MAGI1: variants seen among roughly 807,000 people sequenced by gnomAD.
MAGI1 encodes the protein membrane associated guanylate kinase, WW and PDZ domain containing 1.
MAGI1 carries 58 observed loss-of-function variants against 139.9 expected under a neutral mutation model. The observed-to-expected ratio is 0.41, with a 90% CI of 0.34 to 0.52. The LOEUF is 0.52. MAGI1 is among the 20% of genes least tolerant of loss of function. The pLI, the probability that MAGI1 is intolerant of heterozygous loss-of-function variation, is 0.12. For synonymous variants in MAGI1, 812 were observed against 737.9 expected (o/e 1.10, Z -1.63); for missense variants, 1,874 against 1,901.6 (o/e 0.99, Z 0.27).
At chr3:65,686,355 G>C (rs1234534940) in intron 1 of MAGI1, among the ~76,000 whole-genome samples, 1 of 151,998 alleles carries the variant, frequency 6.6e-6, no homozygotes, top group African/African-American at 2.4e-5. Context: ...GCAGTGGCAC[G>C]ATCTCGGCTC....
intron 1 of MAGI1, among the ~76,000 whole-genome samples, chr3:66,026,986 C>A (rs1189826648): frequency 2.6e-5 from 4 of 151,216 alleles, no homozygotes; most frequent in African/African-American, 9.7e-5. Flanking sequence ...AAAGAGAGGA[C>A]CGGCTGGGCG....
intron 1 of MAGI1, among the ~76,000 whole-genome samples, chr3:65,998,253 T>C (rs1262662109): frequency 6.6e-6 from 1 of 152,172 alleles, no homozygotes; most frequent in African/African-American, 2.4e-5. Flanking sequence ...CAGTGTGTCA[T>C]GTCAGTCCCA....
chr3:65,713,104 CA>C (rs558835938), intron 1 of MAGI1, among the ~76,000 whole-genome samples: 34 of 152,306 alleles, frequency 2.2e-4, no homozygotes, highest in Admixed American at 1.8e-3. Flanking sequence ...AATAGCTTTC[CA>C]GGCCCCATTC....
At chr3:65,923,967 A>T (rs1005143529) in intron 1 of MAGI1, among the ~76,000 whole-genome samples, 7 of 152,256 alleles carry the variant, frequency 4.6e-5, no homozygotes, top group African/African-American at 1.7e-4. Context: ...ACAGAAAATA[A>T]TTAAAGTGTT....
intron 1 of MAGI1, among the ~76,000 whole-genome samples, chr3:65,865,235 A>T (rs1467399697): frequency 6.6e-6 from 1 of 151,794 alleles, no homozygotes; most frequent in Non-Finnish European, 1.5e-5. Flanking sequence ...GATTTTTACC[A>T]AATAAATAGT....
rs138808324 is a variant in MAGI1 at position 65,556,319 on chromosome 3, C to G, written c.431-62688G>C. The stretch of plus-strand genomic sequence containing the variant: ...TTGTCATATGGCTTTAAAAATGCAA[C>G]ATGCTTTTGTCGCTTAGACTAGAAT... On this transcript the variant is annotated intron_variant, in intron 2 of 22. Transcript: ENST00000402939. 1.6e-4 allele frequency among the ~76,000 whole-genome samples: 25 copies of G among 152,280 alleles called. No homozygotes were observed. The East Asian group carries it at 4.6e-3, about 28-fold the overall frequency.
chr3:65,490,955 C>G (rs944169174), intron 3 of MAGI1, among the ~76,000 whole-genome samples: 12 of 151,108 alleles, frequency 7.9e-5, no homozygotes, highest in Non-Finnish European at 1.3e-4. Flanking sequence ...TGGGTTAGAA[C>G]TGGAAAAGAT....
At chr3:65,729,269 G>C (rs796487991) in intron 1 of MAGI1, among the ~76,000 whole-genome samples, 3 of 152,040 alleles carry the variant, frequency 2.0e-5, no homozygotes, top group Admixed American at 2.0e-4. Context: ...GTAAGCATAC[G>C]TTGAGGTTGC....
intron 1 of MAGI1, among the ~76,000 whole-genome samples, chr3:65,837,521 T>C (rs2058666808): frequency 6.6e-6 from 1 of 152,164 alleles, no homozygotes; most frequent in Non-Finnish European, 1.5e-5. Flanking sequence ...AACCAGTAGA[T>C]GCCTTCGTCC....
At position 65,411,664 on chromosome 3, in the gene MAGI1, A is replaced by G. The variant is rs533916372; in HGVS notation, c.2168-10194T>C. 3.2e-4 allele frequency among the ~76,000 whole-genome samples: 48 copies of G among 152,310 alleles called. No homozygotes were observed. The South Asian group carries it at 9.1e-3, about 29-fold the overall frequency. On this transcript the variant is annotated intron_variant, in intron 12 of 22. Transcript: ENST00000402939. Reference sequence around the variant, plus strand: ...TGGTGCTGAGAAGCTTGTAGGTTAAAAAATACACGCTGGGGCCCTTTTCTT... The same window carrying G: ...TGGTGCTGAGAAGCTTGTAGGTTAAGAAATACACGCTGGGGCCCTTTTCTT...
chr3:65,879,255 C>T (rs553864463), intron 1 of MAGI1, among the ~76,000 whole-genome samples: 17 of 152,060 alleles, frequency 1.1e-4, no homozygotes, highest in East Asian at 9.7e-4. Flanking sequence ...CATTTAAGTT[C>T]GCTGGGAGTC....
intron 1 of MAGI1, among the ~76,000 whole-genome samples, chr3:65,793,526 A>C (rs982715950): frequency 6.6e-6 from 1 of 152,228 alleles, no homozygotes; most frequent in African/African-American, 2.4e-5. Flanking sequence ...TGGGAGCTTT[A>C]ATCTTCAAAG....
At chr3:65,630,215 AG>A (rs551366387) in intron 1 of MAGI1, among the ~76,000 whole-genome samples, 13 of 152,190 alleles carry the variant, frequency 8.5e-5, no homozygotes, top group Non-Finnish European at 1.2e-4. Flanking sequence ...GGATGCAACA[AG>A]GACAATACAG....
intron 10 of MAGI1, among the ~76,000 whole-genome samples, chr3:65,432,275 A>G (rs75721709): frequency 0.021 from 3,123 of 152,184 alleles, 64 homozygotes; most frequent in Non-Finnish European, 0.024. Context: ...CTTGCCACAC[A>G]CAGCTTCTCC....
At chr3:65,483,808 T>C (rs1415208954) in intron 3 of MAGI1, among the ~76,000 whole-genome samples, 1 of 152,188 alleles carries the variant, frequency 6.6e-6, no homozygotes, top group African/African-American at 2.4e-5. Flanking sequence ...CTGGCCTTAA[T>C]TAACAAGCAA....
intron 2 of MAGI1, among the ~76,000 whole-genome samples, chr3:65,534,781 T>C (rs2078882215): frequency 6.6e-6 from 1 of 152,176 alleles, no homozygotes; most frequent in Non-Finnish European, 1.5e-5. Context: ...TTCAATCCCA[T>C]TTCACTATTT....
chr3:65,647,792 T>C lies in MAGI1; in HGVS notation c.314-25704A>G, dbSNP rs115872521. On this transcript the variant is annotated intron_variant, in intron 1 of 22. Transcript: ENST00000402939. ...AAAAGAAAAGAAAGAAAACTACAAATAGAGGTATCTTGCTGGTAAAGAATA... is the reference window on the plus strand; with the variant it reads ...AAAAGAAAAGAAAGAAAACTACAAACAGAGGTATCTTGCTGGTAAAGAATA... Among the ~76,000 whole-genome samples, 551 of 152,252 alleles carry C rather than the reference T, an allele frequency of 3.6e-3. 6 individuals carry two copies. The highest frequency in any genetic ancestry group is 0.013 in the African/African-American group (532 of 41,560).
chr3:65,705,993 C>T (rs2030203914), intron 1 of MAGI1, among the ~76,000 whole-genome samples: 1 of 152,180 alleles, frequency 6.6e-6, no homozygotes, highest in South Asian at 2.1e-4. Context: ...CCATGAGTAA[C>T]AAATCCTTCT....
chr3:65,691,876 C>T (rs1431542242), intron 1 of MAGI1, among the ~76,000 whole-genome samples: 1 of 152,188 alleles, frequency 6.6e-6, no homozygotes, highest in Non-Finnish European at 1.5e-5. Context: ...GTGCTTAAAC[C>T]AGTTCCAACC....
Sources: allele counts gnomAD v4.1 joint callset (sites outside exome capture counted in the v4.1 genomes callset), GRCh38; gene constraint gnomAD v4.1.1; transcripts MANE v1.5; gene names NCBI Gene and HGNC (gene_info 2026-07-23, HGNC 2026-07-21).